AKAP19: variants seen among roughly 807,000 people sequenced by gnomAD.
The protein encoded by AKAP19 is small A-kinase anchoring protein.
the AKAP19 span, among the ~76,000 whole-genome samples, chr2:189,919,523 C>T: frequency 1.8e-3 from 273 of 151,948 alleles, 1 homozygote; most frequent in African/African-American, 6.4e-3. Flanking sequence ...ACTGACCCAT[C>T]GTCTAAGTTC....
At chr2:190,007,714 A>C in the AKAP19 span, among the ~76,000 whole-genome samples, 1 of 152,170 alleles carries the variant, frequency 6.6e-6, no homozygotes, top group Non-Finnish European at 1.5e-5. Context: ...TAATCCTAGC[A>C]CTTTGGGAGG....
chr2:190,014,030 G>C, the AKAP19 span, among the ~76,000 whole-genome samples: 2 of 151,918 alleles, frequency 1.3e-5, no homozygotes, highest in African/African-American at 4.8e-5. Flanking sequence ...GTTTATTTGA[G>C]ATCGTCTTTT....
chr2:190,030,935 G>T, the AKAP19 span, among the ~76,000 whole-genome samples: 6 of 152,168 alleles, frequency 3.9e-5, no homozygotes, highest in Admixed American at 6.5e-5. Flanking sequence ...AGACAAATTA[G>T]CAGGATTTGG....
chr2:190,183,822 T>G, the AKAP19 span, among the ~76,000 whole-genome samples: 2 of 151,748 alleles, frequency 1.3e-5, no homozygotes, highest in Non-Finnish European at 2.9e-5. Flanking sequence ...CCTCTTCTGC[T>G]TGCACCTTAG....
chr2:190,193,501 T>C, the AKAP19 span, among the ~76,000 whole-genome samples: 17 of 152,172 alleles, frequency 1.1e-4, no homozygotes, highest in African/African-American at 4.1e-4. Flanking sequence ...CGTAATGGCC[T>C]TGGTAAGAGT....
the AKAP19 span, among the ~76,000 whole-genome samples, chr2:189,998,606 G>C: frequency 6.6e-6 from 1 of 151,898 alleles, no homozygotes; most frequent in Admixed American, 6.6e-5. Context: ...AAGAGTTAAT[G>C]TACTCTTTTG....
At chr2:190,062,196 G>A in the AKAP19 span, 1 of 1,611,036 alleles carries the variant, frequency 6.2e-7, no homozygotes, top group Non-Finnish European at 8.5e-7. Context: ...CAGCAGAACT[G>A]TTGATATACA....
the AKAP19 span, among the ~76,000 whole-genome samples, chr2:190,032,300 G>C: frequency 6.6e-6 from 1 of 152,080 alleles, no homozygotes; most frequent in East Asian, 1.9e-4. Context: ...AAATACTTAG[G>C]ATTGGGAGTA....
At chr2:190,137,643 G>A in the AKAP19 span, 1 of 152,126 alleles carries the variant, frequency 6.6e-6, no homozygotes, top group African/African-American at 2.4e-5. Context: ...AAACTACACA[G>A]GAGCAGAAAA....
At chr2:190,103,572 A>G in the AKAP19 span, among the ~76,000 whole-genome samples, 1 of 152,222 alleles carries the variant, frequency 6.6e-6, no homozygotes, top group Admixed American at 6.5e-5. Context: ...CAAATCAAGA[A>G]CACAGTCCAT....
the AKAP19 span, among the ~76,000 whole-genome samples, chr2:190,192,251 A>G: frequency 6.6e-6 from 1 of 152,086 alleles, no homozygotes; most frequent in South Asian, 2.1e-4. Context: ...GTCAAGTATC[A>G]GTTTACCATA....
chr2:190,097,113 G>A, the AKAP19 span, among the ~76,000 whole-genome samples: 1 of 152,078 alleles, frequency 6.6e-6, no homozygotes, highest in African/African-American at 2.4e-5. Flanking sequence ...GAATGTGCAG[G>A]GTTGTTACAT....
the AKAP19 span, among the ~76,000 whole-genome samples, chr2:190,026,781 T>C: frequency 2.0e-5 from 3 of 152,124 alleles, no homozygotes; most frequent in South Asian, 2.1e-4. Context: ...ATGGACTGTA[T>C]TGGGCACACT....
chr2:189,969,728 C>CAAAAAA, the AKAP19 span, among the ~76,000 whole-genome samples: 3 of 49,448 alleles, frequency 6.1e-5, no homozygotes, highest in Admixed American at 2.2e-4. Flanking sequence ...GACTCCATCT[C>CAAAAAA]AAAAAAAAAA....
chr2:189,957,482 A>G, the AKAP19 span, among the ~76,000 whole-genome samples: 497 of 152,330 alleles, frequency 3.3e-3, no homozygotes, highest in African/African-American at 0.011. Flanking sequence ...AAGATTTATC[A>G]TTAGCAAACT....
chr2:190,068,252 G>A, the AKAP19 span, among the ~76,000 whole-genome samples: 1 of 152,148 alleles, frequency 6.6e-6, no homozygotes, highest in African/African-American at 2.4e-5. Flanking sequence ...GCTATTTGAA[G>A]GCAGGGAATA....
At chr2:189,884,758 A>G in the AKAP19 span, among the ~76,000 whole-genome samples, 1 of 152,202 alleles carries the variant, frequency 6.6e-6, no homozygotes, top group East Asian at 1.9e-4. Context: ...TCCAACTTTA[A>G]TGTGCATATG....
the AKAP19 span, among the ~76,000 whole-genome samples, chr2:190,047,888 A>G: frequency 2.0e-5 from 3 of 152,212 alleles, no homozygotes; most frequent in East Asian, 1.9e-4. Context: ...GAAGAAAGGT[A>G]TCTTGGCTTC....
At chr2:190,077,784 T>C in the AKAP19 span, among the ~76,000 whole-genome samples, 970 of 152,344 alleles carry the variant, frequency 6.4e-3, 16 homozygotes, top group African/African-American at 0.022. Flanking sequence ...AAGTTACTTG[T>C]AGATCAAGTT....
Sources: allele counts gnomAD v4.1 joint callset (sites outside exome capture counted in the v4.1 genomes callset), GRCh38; gene constraint gnomAD v4.1.1; transcripts MANE v1.5; gene names NCBI Gene and HGNC (gene_info 2026-07-23, HGNC 2026-07-21).